The following FAM227B variants were observed in gnomAD, a reference collection of about 807,000 sequenced individuals.
FAM227B encodes the protein family with sequence similarity 227 member B.
Under a neutral mutation model 73.8 loss-of-function variants are expected in FAM227B, and 88 were observed. The ratio of observed to expected loss-of-function variants is 1.19; its 90% CI spans 1.00 to 1.42. The LOEUF (loss-of-function observed/expected upper bound fraction) is 1.42, where lower values mean the gene tolerates loss of function less well. Among genes scored for constraint, FAM227B ranks in the 40% most tolerant of loss-of-function variants. FAM227B has a pLI of 0.00. For missense variants in FAM227B, 632 were observed against 590.9 expected, an observed-to-expected ratio of 1.07 and a Z score of -0.72; for synonymous variants, 210 against 190.5, an observed-to-expected ratio of 1.10 and a Z score of -0.84.
intron 11 of FAM227B, among the ~76,000 whole-genome samples, chr15:49,437,140 A>G (rs1198438617): frequency 6.6e-6 from 1 of 151,762 alleles, no homozygotes; most frequent in East Asian, 1.9e-4. Flanking sequence ...TATAGAATGC[A>G]TAATAATAAT....
intron 8 of FAM227B, among the ~76,000 whole-genome samples, chr15:49,571,355 T>C (rs2075087943): frequency 6.6e-6 from 1 of 152,036 alleles, no homozygotes; most frequent in South Asian, 2.1e-4. Flanking sequence ...CTTTTTAGTT[T>C]GACGCAATTC....
chr15:49,526,021 T>A (rs1015171840), intron 10 of FAM227B, among the ~76,000 whole-genome samples: 3 of 151,950 alleles, frequency 2.0e-5, no homozygotes, highest in African/African-American at 7.2e-5. Context: ...AAAGGAACTC[T>A]GGACTTAAAC....
chr15:49,329,183 T>C (rs1045208858), intron 15 of FAM227B: 16 of 986,766 alleles, frequency 1.6e-5, no homozygotes, highest in Admixed American at 6.1e-5. Context: ...AAAGTGACTA[T>C]GAAAAGACTT....
chr15:49,416,685 A>G (rs1320918022), intron 11 of FAM227B, among the ~76,000 whole-genome samples: 1 of 152,072 alleles, frequency 6.6e-6, no homozygotes, highest in Non-Finnish European at 1.5e-5. Flanking sequence ...TCAATGTACA[A>G]AAATCACTAG....
chr15:49,446,836 T>C (rs1267174458), intron 11 of FAM227B, among the ~76,000 whole-genome samples: 1 of 150,882 alleles, frequency 6.6e-6, no homozygotes, highest in African/African-American at 2.4e-5. Flanking sequence ...TGTTAGGAAG[T>C]AAATGGAGAA....
At chr15:49,500,921 C>T (rs1355958998) in intron 11 of FAM227B, among the ~76,000 whole-genome samples, 1 of 152,126 alleles carries the variant, frequency 6.6e-6, no homozygotes, top group East Asian at 1.9e-4. Context: ...CTTGATCCTG[C>T]TTTTGCCATG....
At chr15:49,445,338 T>C (rs966676023) in intron 11 of FAM227B, among the ~76,000 whole-genome samples, 3 of 151,680 alleles carry the variant, frequency 2.0e-5, no homozygotes, top group Admixed American at 2.0e-4. Context: ...GTATTCAATG[T>C]TTAGCTCTTA....
rs1466511036 is a variant in FAM227B, at chr15:49,591,312, C to T, written c.106-1305G>A. On this transcript the variant is annotated intron_variant, in intron 3 of 15. Transcript: ENST00000299338. Reference sequence around the variant, plus strand: ...GTCTCAATCACCTGACCCCGTAATCCGCCTGCCTCAGCCTCCCAAAGTGCT... The same window carrying T: ...GTCTCAATCACCTGACCCCGTAATCTGCCTGCCTCAGCCTCCCAAAGTGCT... Among the ~76,000 whole-genome samples the T allele has an allele frequency of 8.0e-5, 12 of 150,920 alleles. No homozygotes were observed. In the East Asian group the frequency reaches 9.9e-4, roughly 13 times the overall value.
intron 6 of FAM227B, chr15:49,577,253 C>A: frequency 2.9e-6 from 1 of 344,568 alleles, no homozygotes; most frequent in Non-Finnish European, 5.8e-6. Context: ...GCCACGGTTG[C>A]GCCACTGCAC....
intron 8 of FAM227B, among the ~76,000 whole-genome samples, chr15:49,571,305 T>C (rs910834716): frequency 6.6e-6 from 1 of 152,028 alleles, no homozygotes; most frequent in Non-Finnish European, 1.5e-5. Flanking sequence ...CTACAGGTTC[T>C]CTCTTCAATC....
In FAM227B at chr15:49,615,108, G is replaced by C; in HGVS notation, c.51+13C>G. On this transcript the variant is annotated intron_variant, in intron 2 of 15. Coordinates refer to ENST00000299338, the MANE Select transcript of FAM227B (RefSeq NM_152647.3). The stretch of plus-strand genomic sequence containing the variant: ...CTTTGTAAGTGAACATAAAGCTGTG[G>C]AAGCTTCCTTACCCCGGGGCCAGCT... The C allele has an allele frequency of 1.2e-6, 2 of 1,612,194 alleles. No individual in the cohort carries two copies. Among genetic ancestry groups the C allele is most frequent in the South Asian group, 1.1e-5 (1 of 91,056 alleles).
chr15:49,390,487 C>T (rs1332329597), intron 11 of FAM227B, among the ~76,000 whole-genome samples: 1 of 151,976 alleles, frequency 6.6e-6, no homozygotes, highest in Non-Finnish European at 1.5e-5. Flanking sequence ...TTGGATACTT[C>T]CCAATTATCC....
At chr15:49,471,924 C>T (rs1271519167) in intron 11 of FAM227B, among the ~76,000 whole-genome samples, 1 of 151,778 alleles carries the variant, frequency 6.6e-6, no homozygotes, top group Admixed American at 6.6e-5. Flanking sequence ...TGGAATCCCT[C>T]GTGACAGTGA....
intron 12 of FAM227B, among the ~76,000 whole-genome samples, chr15:49,369,460 A>G (rs2045647949): frequency 6.6e-6 from 1 of 152,194 alleles, no homozygotes; most frequent in Admixed American, 6.5e-5. Context: ...AAATTCAAAG[A>G]ATCAAGCAAC....
Position 49,577,801 on chromosome 15 carries a change from A to G in FAM227B, c.406-137T>C, listed in dbSNP as rs1421017256. On this transcript the variant is annotated intron_variant, in intron 5 of 15. Transcript: ENST00000299338. ...ATATCCTACAGAGGCCTAAAATACT[A>G]TTGCTGTGTTTGATATTGGAAATTC... 8.1e-6 allele frequency: 4 copies of G among 492,956 alleles called. No homozygotes were observed. The East Asian group carries it at 1.3e-4, about 16-fold the overall frequency. The allele number at this position is 492,956 out of a possible 1,614,324, so 30.5% of individuals were successfully genotyped here.
chr15:49,354,596 A>ACGCC (rs1252769195), intron 13 of FAM227B, among the ~76,000 whole-genome samples: 1 of 152,152 alleles, frequency 6.6e-6, no homozygotes, highest in African/African-American at 2.4e-5. Flanking sequence ...GAAGGGTCCT[A>ACGCC]CGCCCACGGA....
intron 3 of FAM227B, among the ~76,000 whole-genome samples, chr15:49,610,251 A>G (rs771511894): frequency 9.2e-5 from 14 of 151,928 alleles, no homozygotes; most frequent in Non-Finnish European, 1.6e-4. Flanking sequence ...GTCCTTAAAC[A>G]TTGTCATTAG....
intron 11 of FAM227B, among the ~76,000 whole-genome samples, chr15:49,413,814 C>T (rs1318720777): frequency 2.0e-5 from 3 of 151,496 alleles, no homozygotes; most frequent in South Asian, 2.1e-4. Context: ...TAGAACACAA[C>T]AAGCTCATTT....
intron 13 of FAM227B, among the ~76,000 whole-genome samples, chr15:49,358,488 T>C (rs1258745835): frequency 6.9e-6 from 1 of 145,122 alleles, no homozygotes; most frequent in Non-Finnish European, 1.5e-5. Flanking sequence ...CCATTCACAA[T>C]TGCTTCAAAG....
Sources: allele counts gnomAD v4.1 joint callset (sites outside exome capture counted in the v4.1 genomes callset), GRCh38; gene constraint gnomAD v4.1.1; transcripts MANE v1.5; gene names NCBI Gene and HGNC (gene_info 2026-07-23, HGNC 2026-07-21).